The following TNPO3 variants were observed in gnomAD, a reference collection of about 807,000 sequenced individuals.
The protein encoded by TNPO3 is transportin-3.
In TNPO3, 65 loss-of-function variants were observed where a neutral mutation model predicts 122.8. The observed-to-expected ratio is 0.53, with a 90% CI of 0.43 to 0.65. TNPO3 has a LOEUF of 0.65. Ranked by LOEUF, TNPO3 falls within the 30% of genes least tolerant of loss-of-function variation. The pLI is 0.00. For missense variants in TNPO3, 850 were observed against 1,136.7 expected (o/e 0.75, Z 3.63); for synonymous variants, 372 against 411.2 (o/e 0.90, Z 1.15).
chr7:129,006,540 T>C (rs922264465), intron 4 of TNPO3, among the ~76,000 whole-genome samples: 9 of 152,244 alleles, frequency 5.9e-5, no homozygotes, highest in African/African-American at 2.2e-4. Flanking sequence ...TAAAATGTAA[T>C]GCATCTTTTT....
At chr7:129,048,560 G>A (rs1331473218) in intron 1 of TNPO3, among the ~76,000 whole-genome samples, 1 of 151,442 alleles carries the variant, frequency 6.6e-6, no homozygotes, top group East Asian at 1.9e-4. Context: ...GAGCCTTATT[G>A]AGTCAAAAAG....
intron 4 of TNPO3, among the ~76,000 whole-genome samples, chr7:129,005,465 T>C (rs1386293477): frequency 1.3e-5 from 2 of 152,156 alleles, no homozygotes; most frequent in Admixed American, 1.3e-4. Context: ...AAATTTCATG[T>C]CAAATTGTAA....
At chr7:129,010,430 C>A (rs1219281775) in intron 4 of TNPO3, among the ~76,000 whole-genome samples, 1 of 152,054 alleles carries the variant, frequency 6.6e-6, no homozygotes, top group Non-Finnish European at 1.5e-5. Flanking sequence ...AGCCTTCCAA[C>A]GTGCTGGAAT....
rs1245544822 is a variant in TNPO3 at position 128,975,910 on chromosome 7, T to A, written c.2087A>T (p.Gln696Leu). 1 of 1,613,858 alleles carries A rather than the reference T, an allele frequency of 6.2e-7. No individual in the cohort carries two copies. Residue 696 changes from glutamine (Q) to leucine (L), a missense_variant, in exon 17 of 23, where the codon CAG becomes CTG. Coordinates refer to ENST00000265388, the MANE Select transcript of TNPO3 (RefSeq NM_012470.4). Reference protein sequence around the residue: ...TQMVNVYHVHQHSCFLYLGSI... With the variant: ...TQMVNVYHVHLHSCFLYLGSI... ...GCCAAGGTACAGGAAGCAGGAATGC[T>A]GATGTACGTGGTACACATTCACCAT...
chr7:128,998,738 G>A lies in TNPO3; in HGVS notation c.1012-1203C>T, dbSNP rs74705688. ...AAGGTCTTGCTTTGTTGCCCAGGCT[G>A]GTCTCGAACTCATGGGCTCAAGCAA... On this transcript the variant is annotated intron_variant, in intron 7 of 22. Transcript: ENST00000265388. 2.1e-3 allele frequency among the ~76,000 whole-genome samples: 312 copies of A among 151,660 alleles called. 9 individuals carry two copies. In the East Asian group the frequency reaches 0.056, roughly 27 times the overall value.
intron 1 of TNPO3, among the ~76,000 whole-genome samples, 168 bp downstream of exon 1, chr7:129,054,483 T>C (rs1206304518): frequency 6.6e-6 from 1 of 151,990 alleles, no homozygotes; most frequent in African/African-American, 2.4e-5. Flanking sequence ...GTGCGACTAG[T>C]TTCCCAAAAG....
intron 4 of TNPO3, among the ~76,000 whole-genome samples, chr7:129,011,272 T>C (rs1400484029): frequency 6.6e-6 from 1 of 152,186 alleles, no homozygotes; most frequent in Admixed American, 6.5e-5. Flanking sequence ...GAACAGAATG[T>C]GGGACTGTGA....
intron 18 of TNPO3, 93 bp from the exon 19 acceptor site, chr7:128,972,675 G>T (rs768994738): frequency 6.2e-5 from 73 of 1,176,886 alleles, no homozygotes; most frequent in East Asian, 4.7e-4. Context: ...CAGTAAAAAA[G>T]ATCAGTGGTT....
At chr7:128,980,544 G>T (rs1028613469) in intron 14 of TNPO3, among the ~76,000 whole-genome samples, 3 of 152,196 alleles carry the variant, frequency 2.0e-5, no homozygotes, top group Non-Finnish European at 4.4e-5. Flanking sequence ...AGCTACTTGG[G>T]AGGCTGGTGG....
At chr7:129,038,233 A>G (rs2150525370) in intron 1 of TNPO3, among the ~76,000 whole-genome samples, 1 of 152,350 alleles carries the variant, frequency 6.6e-6, no homozygotes, top group East Asian at 1.9e-4. Context: ...ATGGGAAGAA[A>G]AAAAGGAAAG....
At chr7:129,024,462 T>C (rs1804881405) in intron 1 of TNPO3, among the ~76,000 whole-genome samples, 1 of 152,218 alleles carries the variant, frequency 6.6e-6, no homozygotes, top group Admixed American at 6.5e-5. Context: ...AAATGGTTTT[T>C]ATTTCAAATC....
At chr7:128,998,770 C>T (rs973015054) in intron 7 of TNPO3, among the ~76,000 whole-genome samples, 5 of 152,176 alleles carry the variant, frequency 3.3e-5, no homozygotes, top group African/African-American at 1.2e-4. Context: ...GCAATCCTCC[C>T]ACCTCAGCCT....
intron 1 of TNPO3, among the ~76,000 whole-genome samples, chr7:129,047,015 T>G (rs1467552510): frequency 6.6e-6 from 1 of 152,220 alleles, no homozygotes; most frequent in Non-Finnish European, 1.5e-5. Flanking sequence ...CTTTCTGATA[T>G]GATATCTAAG....
chr7:129,027,794 A>G (rs1805432931), intron 1 of TNPO3, among the ~76,000 whole-genome samples: 1 of 152,144 alleles, frequency 6.6e-6, no homozygotes, highest in Non-Finnish European at 1.5e-5. Context: ...GGCTCTGGAC[A>G]GCCTCTCAAG....
At chr7:129,007,186 T>C (rs1802671514) in intron 4 of TNPO3, among the ~76,000 whole-genome samples, 1 of 152,196 alleles carries the variant, frequency 6.6e-6, no homozygotes, top group African/African-American at 2.4e-5. Flanking sequence ...CCCATTATAC[T>C]GATGAGAAAA....
Position 128,984,152 on chromosome 7 carries a change from C to T in TNPO3, c.1782+16G>A, listed in dbSNP as rs1042965932. 8.6e-6 allele frequency: 13 copies of T among 1,513,170 alleles called. No individual in the cohort carries two copies. Among genetic ancestry groups the T allele is most frequent in the African/African-American group, 1.4e-5 (1 of 72,144 alleles). The allele number at this position is 1,513,170 out of a possible 1,614,324, so 93.7% of individuals were successfully genotyped here. On this transcript the variant is annotated intron_variant, in intron 13 of 22. Transcript: ENST00000265388. ...ACATCTTATATTTGTTTCACACCTT[C>T]CTTAATTGGACTTACCTTTTTCAAT...
At chr7:128,998,918 A>G (rs1801629628) in intron 7 of TNPO3, among the ~76,000 whole-genome samples, 1 of 151,552 alleles carries the variant, frequency 6.6e-6, no homozygotes, top group South Asian at 2.1e-4. Context: ...CAGTGGTGTG[A>G]TCTTGGCTCA....
At position 128,975,848 on chromosome 7, in the gene TNPO3, A is replaced by T. The variant is rs1338619939; in HGVS notation, c.2149T>A (p.Cys717Ser). The change falls in exon 17 of 23, where the codon TGT becomes AGT. Residue 717 changes from cysteine (C) to serine (S), a missense_variant. Transcript: ENST00000265388. ...AGCATGTCTAGCAGTCCCTGCCGACAGCCTTCTTCCATGCCATATTCATCC... is the reference window on the plus strand; with the variant it reads ...AGCATGTCTAGCAGTCCCTGCCGACTGCCTTCTTCCATGCCATATTCATCC... ...LVDEYGMEEG[C>S]RQGLLDMLQA... The T allele has an allele frequency of 6.2e-7, 1 of 1,613,914 alleles. No homozygotes were observed.
Position 129,034,252 on chromosome 7 carries a change from G to A in TNPO3, c.121-16095C>T, listed in dbSNP as rs189438685. ...AAACAGAAAGTAGGCCAGGCACAGG[G>A]GCTCACGCCTGTAATCCCAACACTT... On this transcript the variant is annotated intron_variant, in intron 1 of 22. Coordinates refer to ENST00000265388, the MANE Select transcript of TNPO3 (RefSeq NM_012470.4). Among the ~76,000 whole-genome samples, 6 of 152,324 alleles carry A rather than the reference G, an allele frequency of 3.9e-5. No individual in the cohort carries two copies. The East Asian group carries it at 1.2e-3, about 29-fold the overall frequency.
Sources: allele counts gnomAD v4.1 joint callset (sites outside exome capture counted in the v4.1 genomes callset), GRCh38; gene constraint gnomAD v4.1.1; transcripts MANE v1.5; gene names NCBI Gene and HGNC (gene_info 2026-07-23, HGNC 2026-07-21).